Variants in SORCS3 observed in about 807,000 individuals in gnomAD.
The protein encoded by SORCS3 is VPS10 domain-containing receptor SorCS3.
A neutral mutation model predicts 146.3 loss-of-function variants in SORCS3; 57 were observed. That is an observed-to-expected ratio of 0.39 (90% CI 0.31 to 0.49). The LOEUF is 0.49. Ranked by LOEUF, SORCS3 falls within the 20% of genes least tolerant of loss-of-function variation. The pLI is 0.92. For synonymous variants in SORCS3, 653 were observed against 618.5 expected (o/e 1.06, Z -0.83); for missense variants, 1,341 against 1,575.5 (o/e 0.85, Z 2.52).
chr10:104,826,011 T>A (rs2017931267), intron 1 of SORCS3, among the ~76,000 whole-genome samples: 1 of 152,198 alleles, frequency 6.6e-6, no homozygotes, highest in Non-Finnish European at 1.5e-5. Flanking sequence ...TAAGTCAGGA[T>A]AACTACTGCT....
At chr10:104,923,482 A>G (rs2019108530) in intron 3 of SORCS3, among the ~76,000 whole-genome samples, 1 of 152,232 alleles carries the variant, frequency 6.6e-6, no homozygotes, top group African/African-American at 2.4e-5. Context: ...CTGCTGGTAG[A>G]AGTCAGAGCA....
chr10:105,214,146 A>G (rs369031761), intron 17 of SORCS3, among the ~76,000 whole-genome samples: 25 of 152,300 alleles, frequency 1.6e-4, no homozygotes, highest in African/African-American at 6.0e-4. Context: ...TGTGAGTCAG[A>G]CATTGATTTT....
chr10:104,653,038 A>T (rs550358109), intron 1 of SORCS3, among the ~76,000 whole-genome samples: 17 of 152,348 alleles, frequency 1.1e-4, no homozygotes, highest in South Asian at 6.2e-4. Flanking sequence ...TGAAATTATT[A>T]AAAAATTCTG....
chr10:105,108,105 G>C (rs1055415139), intron 7 of SORCS3, among the ~76,000 whole-genome samples: 1 of 152,028 alleles, frequency 6.6e-6, no homozygotes, highest in African/African-American at 2.4e-5. Context: ...AATAAATCAG[G>C]GACTGTGAAT....
chr10:104,842,455 G>T (rs1412427243), intron 1 of SORCS3, among the ~76,000 whole-genome samples: 2 of 152,138 alleles, frequency 1.3e-5, no homozygotes, highest in Admixed American at 6.5e-5. Flanking sequence ...GGTGGCCTTG[G>T]TGGTGAACAA....
chr10:104,719,990 T>TA (rs35497287), intron 1 of SORCS3, among the ~76,000 whole-genome samples: 30,198 of 151,752 alleles, frequency 0.2, 3,230 homozygotes, highest in Non-Finnish European at 0.25. Flanking sequence ...TTTTTTTTTT[T>TA]TATACTTTAA....
chr10:104,887,962 G>C (rs1021364839), intron 2 of SORCS3, among the ~76,000 whole-genome samples: 2 of 126,428 alleles, frequency 1.6e-5, no homozygotes, highest in African/African-American at 3.4e-5. Flanking sequence ...GTGGGGGCGG[G>C]GGGGCGGGGG....
At chr10:104,945,901 C>T (rs2019365943) in intron 3 of SORCS3, among the ~76,000 whole-genome samples, 1 of 151,816 alleles carries the variant, frequency 6.6e-6, no homozygotes, top group Admixed American at 6.6e-5. Context: ...TGGGCTTGGA[C>T]TCAGGCGGCT....
intron 14 of SORCS3, among the ~76,000 whole-genome samples, chr10:105,188,986 A>G (rs1037286730): frequency 6.6e-6 from 1 of 152,200 alleles, no homozygotes; most frequent in East Asian, 1.9e-4. Context: ...GCTTAGAGGA[A>G]TGAGAAATAA....
chr10:104,988,730 C>T (rs1554865525), intron 4 of SORCS3, among the ~76,000 whole-genome samples: 1 of 152,060 alleles, frequency 6.6e-6, no homozygotes, highest in Non-Finnish European at 1.5e-5. Flanking sequence ...ATGTATTATG[C>T]TTTAAATGAA....
chr10:104,795,508 C>A (rs2017544474), intron 1 of SORCS3, among the ~76,000 whole-genome samples: 1 of 152,198 alleles, frequency 6.6e-6, no homozygotes. Context: ...AGGCTTGGTT[C>A]ATGACAAACA....
chr10:104,785,842 G>T (rs1427514710), intron 1 of SORCS3, among the ~76,000 whole-genome samples: 1 of 152,184 alleles, frequency 6.6e-6, no homozygotes, highest in Admixed American at 6.5e-5. Flanking sequence ...GGATCCCTTT[G>T]AGAATCTGGT....
intron 1 of SORCS3, among the ~76,000 whole-genome samples, chr10:104,652,264 T>C (rs1439102386): frequency 1.3e-5 from 2 of 152,198 alleles, no homozygotes; most frequent in African/African-American, 4.8e-5. Flanking sequence ...TGATGCCAGT[T>C]AAGTTATTTG....
intron 2 of SORCS3, among the ~76,000 whole-genome samples, chr10:104,897,012 T>G (rs542494254): frequency 2.8e-4 from 43 of 152,304 alleles, no homozygotes; most frequent in Non-Finnish European, 4.9e-4. Flanking sequence ...AACTAGGTGC[T>G]GGACTATAGC....
chr10:104,642,459 C>T (rs2015437720), intron 1 of SORCS3, among the ~76,000 whole-genome samples: 2 of 150,578 alleles, frequency 1.3e-5, no homozygotes, highest in Non-Finnish European at 3.0e-5. Flanking sequence ...CTGCTCGCCT[C>T]GGGGTCGCTG....
intron 1 of SORCS3, among the ~76,000 whole-genome samples, chr10:104,714,768 A>G (rs1361185717): frequency 1.3e-5 from 2 of 152,226 alleles, no homozygotes; most frequent in African/African-American, 4.8e-5. Flanking sequence ...TGCCAGTTTT[A>G]GATTCAGATC....
At chr10:104,736,586 A>G (rs763556305) in intron 1 of SORCS3, among the ~76,000 whole-genome samples, 20 of 152,246 alleles carry the variant, frequency 1.3e-4, no homozygotes, top group Non-Finnish European at 2.2e-4. Flanking sequence ...CCCAACATCT[A>G]TGGCATTATA....
intron 3 of SORCS3, among the ~76,000 whole-genome samples, chr10:104,973,342 G>C (rs1260868285): frequency 6.6e-6 from 1 of 151,784 alleles, no homozygotes; most frequent in East Asian, 1.9e-4. Context: ...TTTTTGGTTG[G>C]TAAGCTATTG....
intron 2 of SORCS3, among the ~76,000 whole-genome samples, chr10:104,887,416 T>A (rs1476235590): frequency 6.6e-6 from 1 of 152,128 alleles, no homozygotes; most frequent in East Asian, 1.9e-4. Flanking sequence ...ATTGCTGGCA[T>A]GGAGTGGGAG....
Sources: gnomAD v4.1 joint callset for allele counts (sites outside exome capture counted in the v4.1 genomes callset) on GRCh38, gnomAD v4.1.1 for gene constraint, MANE v1.5 for transcripts, NCBI Gene and HGNC (gene_info 2026-07-23, HGNC 2026-07-21) for gene names.